Variants in CHL1 observed in about 807,000 individuals in gnomAD.
CHL1 encodes the protein neural cell adhesion molecule L1-like protein.
CHL1 carries 96 observed loss-of-function variants against 141.9 expected under a neutral mutation model. The observed-to-expected ratio is 0.68, with a 90% CI of 0.57 to 0.80. CHL1 has a LOEUF of 0.80. CHL1 is among the 30% of genes least tolerant of loss of function. The pLI, the probability that CHL1 is intolerant of heterozygous loss-of-function variation, is 0.00. For synonymous variants in CHL1, 613 were observed against 502.2 expected (o/e 1.22, Z -2.95); for missense variants, 1,820 against 1,457.2 (o/e 1.25, Z -4.05).
chr3:394,902 G>C, intron 24 of CHL1, 30 bp downstream of exon 24: 1 of 1,538,794 alleles, frequency 6.5e-7, no homozygotes, highest in Non-Finnish European at 8.8e-7. Flanking sequence ...CTTTTTAATA[G>C]AGGCTTTAAA....
chr3:394,551 C>T (rs974184420), intron 23 of CHL1, 142 bp from the exon 24 acceptor site: 4 of 633,096 alleles, frequency 6.3e-6, no homozygotes, highest in East Asian at 2.8e-5. Context: ...TTGTATGTAC[C>T]TCATAGGATT....
At chr3:318,531 T>C (rs1700308938) in intron 2 of CHL1, among the ~76,000 whole-genome samples, 1 of 151,696 alleles carries the variant, frequency 6.6e-6, no homozygotes, top group African/African-American at 2.4e-5. Context: ...AACACAATGT[T>C]TCAGAAAAAA....
At chr3:343,060 A>G (rs1338537278) in intron 8 of CHL1, 29 bp downstream of exon 8, 1 of 1,568,864 alleles carries the variant, frequency 6.4e-7, no homozygotes, top group South Asian at 1.2e-5. Flanking sequence ...GAGTGTTGGC[A>G]TTTGTGTATA....
At position 319,873 on chromosome 3, in the gene CHL1, G is replaced by A. The variant is rs368839357; in HGVS notation, c.91+6G>A. 5.0e-5 allele frequency: 76 copies of A among 1,516,496 alleles called. No individual in the cohort carries two copies. In the African/African-American group the frequency reaches 9.2e-4, roughly 18 times the overall value. 93.9% of individuals were successfully genotyped at this position (1,516,496 alleles called of 1,614,324 possible). A position where few individuals can be genotyped will look rare whatever the true frequency, so the allele number is the denominator to read the frequency against. On this transcript the variant is annotated splice_donor_region_variant and intron_variant, in intron 3 of 27. Coordinates refer to ENST00000256509, the MANE Select transcript of CHL1 (RefSeq NM_006614.4). ...AATTGAAATACCATCTTCAGGTAAA[G>A]TTAAAACATTCAGTGCCTATTAATG...
chr3:303,542 T>C (rs189529852), intron 2 of CHL1, among the ~76,000 whole-genome samples: 9 of 152,084 alleles, frequency 5.9e-5, no homozygotes, highest in Non-Finnish European at 1.0e-4. Context: ...CTGTTTGTTA[T>C]TGGTGGATAG....
chr3:290,760 T>C (rs1390190825), intron 2 of CHL1, among the ~76,000 whole-genome samples: 2 of 151,964 alleles, frequency 1.3e-5, no homozygotes, highest in Non-Finnish European at 2.9e-5. Flanking sequence ...GGAGCTGTAA[T>C]CACACACAAA....
chr3:301,908 C>T (rs560314096), intron 2 of CHL1, among the ~76,000 whole-genome samples: 1 of 152,206 alleles, frequency 6.6e-6, no homozygotes, highest in Non-Finnish European at 1.5e-5. Flanking sequence ...CAGCACCGCA[C>T]CGCCAACAGG....
At position 391,168 on chromosome 3, in the gene CHL1, A is replaced by T; in HGVS notation, c.2791+9A>T. On this transcript the variant is annotated intron_variant, in intron 22 of 27. Transcript: ENST00000256509. Reference sequence around the variant, plus strand: ...TCAAACACCAGAAGGAGGTGAGAGGATAATGATGTAGAGTCATGTCAAAAA... The same window carrying T: ...TCAAACACCAGAAGGAGGTGAGAGGTTAATGATGTAGAGTCATGTCAAAAA... The T allele has an allele frequency of 1.9e-6, 3 of 1,592,464 alleles. No individual in the cohort carries two copies. The highest frequency in any genetic ancestry group is 1.3e-5 in the African/African-American group (1 of 74,498).
At chr3:237,253 T>C (rs1692083230) in intron 1 of CHL1, among the ~76,000 whole-genome samples, 1 of 152,186 alleles carries the variant, frequency 6.6e-6, no homozygotes, top group Admixed American at 6.5e-5. Flanking sequence ...TAAAAGTGTG[T>C]GGAAGTTCCC....
At chr3:200,756 A>G (rs1262003121) in intron 1 of CHL1, among the ~76,000 whole-genome samples, 1 of 152,186 alleles carries the variant, frequency 6.6e-6, no homozygotes, top group Non-Finnish European at 1.5e-5. Context: ...AATCTCTTAT[A>G]TTTTGGTGAT....
chr3:278,172 C>G (rs1019965594), intron 2 of CHL1, among the ~76,000 whole-genome samples: 3 of 152,292 alleles, frequency 2.0e-5, no homozygotes, highest in African/African-American at 7.2e-5. Context: ...GGCCAGGAAG[C>G]AAATTAAAAT....
At chr3:397,269 GC>G (rs1253468877) in intron 24 of CHL1, among the ~76,000 whole-genome samples, 5 of 152,054 alleles carry the variant, frequency 3.3e-5, no homozygotes, top group African/African-American at 9.6e-5. Context: ...TGAAGGCTTT[GC>G]TCATATAATT....
intron 2 of CHL1, among the ~76,000 whole-genome samples, chr3:245,361 A>G (rs1693065339): frequency 6.6e-6 from 1 of 152,174 alleles, no homozygotes; most frequent in Non-Finnish European, 1.5e-5. Context: ...TGTAAATCAT[A>G]AAACTGGAAT....
rs376738148 is a variant in CHL1, at chr3:363,708, G to C, written c.1585+325G>C. On this transcript the variant is annotated intron_variant, in intron 14 of 27. Transcript: ENST00000256509. Reference sequence around the variant, plus strand: ...ATTTTATTTCCAAAGCTAACTCAAGGTAATGGTAACAGTAATCAAGTTTTT... The same window carrying C: ...ATTTTATTTCCAAAGCTAACTCAAGCTAATGGTAACAGTAATCAAGTTTTT... The C allele has an allele frequency of 9.3e-4, 166 of 178,636 alleles. 8 individuals carry two copies. The South Asian group carries it at 0.023, about 25-fold the overall frequency. 11.1% of individuals were successfully genotyped at this position (178,636 alleles called of 1,614,324 possible).
At chr3:328,598 G>A (rs575871282) in intron 5 of CHL1, 3 of 344,178 alleles carry the variant, frequency 8.7e-6, no homozygotes, top group East Asian at 4.7e-5. Context: ...TATAATATCT[G>A]CTTTGCCTTA....
intron 1 of CHL1, among the ~76,000 whole-genome samples, chr3:242,927 C>G (rs890138071): frequency 3.3e-5 from 5 of 152,132 alleles, no homozygotes; most frequent in Admixed American, 3.3e-4. Context: ...AAGTACTGAT[C>G]TCTGTTGTCA....
chr3:207,615 G>T (rs895150040), intron 1 of CHL1, among the ~76,000 whole-genome samples: 2 of 152,130 alleles, frequency 1.3e-5, no homozygotes, highest in Non-Finnish European at 2.9e-5. Flanking sequence ...ATATCTGCAT[G>T]AATAATAGGC....
At chr3:287,414 G>A (rs1051753584) in intron 2 of CHL1, among the ~76,000 whole-genome samples, 1 of 152,244 alleles carries the variant, frequency 6.6e-6, no homozygotes, top group Non-Finnish European at 1.5e-5. Flanking sequence ...ACATTCGATT[G>A]TCTTTTCACC....
At chr3:289,349 C>T (rs563823722) in intron 2 of CHL1, among the ~76,000 whole-genome samples, 2 of 152,102 alleles carry the variant, frequency 1.3e-5, no homozygotes, top group South Asian at 4.2e-4. Flanking sequence ...TGCTTTATTC[C>T]CTGTTGTGGA....
Sources: gnomAD v4.1 joint callset for allele counts (sites outside exome capture counted in the v4.1 genomes callset) on GRCh38, gnomAD v4.1.1 for gene constraint, MANE v1.5 for transcripts, NCBI Gene and HGNC (gene_info 2026-07-23, HGNC 2026-07-21) for gene names.